Variants in LOC400499 observed in about 807,000 individuals in gnomAD.
chr16:11,418,225 G>A, the LOC400499 span, among the ~76,000 whole-genome samples: 1 of 152,180 alleles, frequency 6.6e-6, no homozygotes, highest in Non-Finnish European at 1.5e-5. Flanking sequence ...CTGCCTGTTT[G>A]TCAGAGGCAT....
the LOC400499 span, among the ~76,000 whole-genome samples, chr16:11,436,075 C>A: frequency 6.6e-6 from 1 of 152,194 alleles, no homozygotes; most frequent in Non-Finnish European, 1.5e-5. Context: ...GGCTCCAGCT[C>A]CTGGCCCAGG....
the LOC400499 span, chr16:11,494,425 C>T: frequency 6.5e-5 from 25 of 387,260 alleles, 1 homozygote; most frequent in African/African-American, 3.2e-4. Context: ...GGTGAGGAGA[C>T]GGGTTGAAGT....
chr16:11,505,555 G>C, the LOC400499 span, among the ~76,000 whole-genome samples: 1 of 135,166 alleles, frequency 7.4e-6, no homozygotes, highest in Admixed American at 8.4e-5. Flanking sequence ...CCAGGCTCAA[G>C]CCAGCCTCCT....
At chr16:11,401,129 G>A in the LOC400499 span, 1 of 397,700 alleles carries the variant, frequency 2.5e-6, no homozygotes, top group Non-Finnish European at 4.4e-6. Flanking sequence ...GCTTCAGGAA[G>A]CTGTGATTCC....
chr16:11,404,857 G>A, the LOC400499 span: 15 of 398,876 alleles, frequency 3.8e-5, no homozygotes, highest in Non-Finnish European at 6.6e-5. Flanking sequence ...TCCCTGGGAA[G>A]AGCGCTGAGC....
At chr16:11,424,335 G>A in the LOC400499 span, 1 of 399,870 alleles carries the variant, frequency 2.5e-6, no homozygotes, top group East Asian at 3.6e-5. Flanking sequence ...CCCTGCCTCG[G>A]AGGGGAGTCC....
the LOC400499 span, among the ~76,000 whole-genome samples, chr16:11,463,813 A>G: frequency 1.3e-5 from 2 of 152,116 alleles, no homozygotes; most frequent in African/African-American, 2.4e-5. Flanking sequence ...GTGTATGAAT[A>G]TGTGTGTATG....
At chr16:11,489,546 A>C in the LOC400499 span, among the ~76,000 whole-genome samples, 1 of 151,888 alleles carries the variant, frequency 6.6e-6, no homozygotes, top group Non-Finnish European at 1.5e-5. Context: ...CCCTCCCCCC[A>C]TTGTCTCAGG....
the LOC400499 span, among the ~76,000 whole-genome samples, chr16:11,518,680 A>G: frequency 4.6e-5 from 7 of 152,164 alleles, no homozygotes. Flanking sequence ...GCAGCCCCCC[A>G]GCGGTCTTCA....
chr16:11,383,715 G>C, the LOC400499 span: 1 of 1,232,470 alleles, frequency 8.1e-7, no homozygotes, highest in Non-Finnish European at 1.0e-6. Flanking sequence ...CCAGGTTGCA[G>C]GCAGGCTGGA....
chr16:11,417,984 G>A, the LOC400499 span: 1 of 396,850 alleles, frequency 2.5e-6, no homozygotes, highest in East Asian at 3.6e-5. Flanking sequence ...TCTTGAAGGA[G>A]CAGGTTTGAT....
the LOC400499 span, among the ~76,000 whole-genome samples, chr16:11,519,768 C>T: frequency 1.0e-4 from 15 of 150,608 alleles, no homozygotes; most frequent in East Asian, 1.9e-4. Flanking sequence ...TGCAATGGCG[C>T]GATCTTGGCT....
At chr16:11,422,477 G>A in the LOC400499 span, among the ~76,000 whole-genome samples, 2 of 152,286 alleles carry the variant, frequency 1.3e-5, no homozygotes, top group Admixed American at 6.5e-5. Context: ...CGAAGCAAAG[G>A]AAAAGAAAGG....
chr16:11,513,397 CTG>C, the LOC400499 span, among the ~76,000 whole-genome samples: 1 of 107,070 alleles, frequency 9.3e-6, no homozygotes, highest in Admixed American at 1.2e-4. Flanking sequence ...CAGAACGAGA[CTG>C]TGTCTCCAAA....
chr16:11,372,902 G>A, the LOC400499 span, among the ~76,000 whole-genome samples: 1 of 152,242 alleles, frequency 6.6e-6, no homozygotes, highest in African/African-American at 2.4e-5. Context: ...TGTAAGAGCA[G>A]CGGGCATGGG....
chr16:11,453,787 C>A, the LOC400499 span, among the ~76,000 whole-genome samples: 1 of 151,618 alleles, frequency 6.6e-6, no homozygotes, highest in African/African-American at 2.4e-5. Flanking sequence ...GGGCAACATA[C>A]TGAGACCCCA....
the LOC400499 span, among the ~76,000 whole-genome samples, chr16:11,525,840 G>C: frequency 6.6e-6 from 1 of 152,172 alleles, no homozygotes; most frequent in Non-Finnish European, 1.5e-5. Flanking sequence ...GAAAAATGAA[G>C]TTCATGTCAT....
At chr16:11,446,965 G>A in the LOC400499 span, 5 of 1,494,890 alleles carry the variant, frequency 3.3e-6, no homozygotes, top group East Asian at 4.9e-5. Context: ...GGCAGTGCCA[G>A]GGGACAATTG....
At chr16:11,521,729 A>G in the LOC400499 span, among the ~76,000 whole-genome samples, 3 of 152,150 alleles carry the variant, frequency 2.0e-5, no homozygotes, top group African/African-American at 7.2e-5. Flanking sequence ...TTCCTTCCTT[A>G]ACCTCTGCTA....
Sources: allele counts gnomAD v4.1 joint callset (sites outside exome capture counted in the v4.1 genomes callset), GRCh38; gene constraint gnomAD v4.1.1; transcripts MANE v1.5.